Variants in CPQ observed in about 807,000 individuals in gnomAD.
CPQ encodes the protein Ser-Met dipeptidase.
CPQ carries 37 observed loss-of-function variants against 45.7 expected under a neutral mutation model. That is an observed-to-expected ratio of 0.81 (90% CI 0.62 to 1.07). CPQ has a LOEUF of 1.07. CPQ is among the 50% of genes least tolerant of loss of function. The pLI, the probability that CPQ is intolerant of heterozygous loss-of-function variation, is 0.00. For missense variants in CPQ, 537 were observed against 572.9 expected (o/e 0.94, Z 0.64); for synonymous variants, 186 against 205.8 (o/e 0.90, Z 0.82).
At chr8:96,766,591 TG>T (rs1292519156) in intron 1 of CPQ, among the ~76,000 whole-genome samples, 4 of 152,136 alleles carry the variant, frequency 2.6e-5, no homozygotes, top group Non-Finnish European at 5.9e-5. Context: ...TCTGTCCTCA[TG>T]TCCTGCCTGT....
chr8:96,815,021 G>T (rs1811209120), intron 2 of CPQ, among the ~76,000 whole-genome samples: 2 of 152,098 alleles, frequency 1.3e-5, no homozygotes, highest in Non-Finnish European at 2.9e-5. Flanking sequence ...CCAGCGGAGG[G>T]TGCAGATGGG....
At chr8:96,784,725 A>C (rs1221431017) in intron 1 of CPQ, 139 bp from the exon 2 acceptor site, 1 of 620,536 alleles carries the variant, frequency 1.6e-6, no homozygotes, top group Admixed American at 3.0e-5. Context: ...TCAGAGTAAC[A>C]GTGCCTGAAT....
At position 97,140,175 on chromosome 8, in the gene CPQ, A is replaced by C. The variant is rs569454330; in HGVS notation, c.1256-2845A>C. Among the ~76,000 whole-genome samples, 204 of 145,980 alleles carry C rather than the reference A, an allele frequency of 1.4e-3. 1 individual carries two copies. Among genetic ancestry groups the C allele is most frequent in the African/African-American group, 4.8e-3 (196 of 41,102 alleles). ...GACAAAACTCACAAATTCCTAGACA[A>C]ATGTAATTTCCATAGTTAATTCAAG... is the stretch of plus-strand genomic sequence containing the variant. On this transcript the variant is annotated intron_variant, in intron 7 of 7. Coordinates refer to ENST00000220763, the MANE Select transcript of CPQ (RefSeq NM_016134.4).
At chr8:96,877,820 C>G (rs1334523587) in intron 3 of CPQ, among the ~76,000 whole-genome samples, 4 of 152,132 alleles carry the variant, frequency 2.6e-5, no homozygotes, top group Non-Finnish European at 4.4e-5. Context: ...TTAAGTGACC[C>G]CAGAACCTGA....
At chr8:96,844,979 A>G (rs1467497247) in intron 3 of CPQ, among the ~76,000 whole-genome samples, 1 of 152,198 alleles carries the variant, frequency 6.6e-6, no homozygotes, top group Non-Finnish European at 1.5e-5. Context: ...GCTTACCCAA[A>G]ATGCAGCAAA....
At chr8:96,764,348 A>G (rs1163121879) in intron 1 of CPQ, among the ~76,000 whole-genome samples, 1 of 152,216 alleles carries the variant, frequency 6.6e-6, no homozygotes, top group East Asian at 1.9e-4. Flanking sequence ...AACAGAAAAC[A>G]GATCAGTGCC....
intron 3 of CPQ, among the ~76,000 whole-genome samples, chr8:96,841,146 G>A (rs916936463): frequency 6.6e-6 from 1 of 152,158 alleles, no homozygotes; most frequent in African/African-American, 2.4e-5. Flanking sequence ...TGTAGGGGTC[G>A]GGAGAGGGAG....
intron 4 of CPQ, among the ~76,000 whole-genome samples, chr8:96,946,429 G>A (rs1024438258): frequency 6.7e-6 from 1 of 150,110 alleles, no homozygotes; most frequent in Admixed American, 6.6e-5. Flanking sequence ...CTGTTTGGGA[G>A]TGTTTACTTA....
intron 4 of CPQ, among the ~76,000 whole-genome samples, chr8:96,931,019 C>T (rs923185178): frequency 6.6e-6 from 1 of 152,184 alleles, no homozygotes; most frequent in Non-Finnish European, 1.5e-5. Flanking sequence ...TGTTCTTCCC[C>T]TGTCTTCTGT....
At chr8:96,983,650 A>G (rs1279361166) in intron 5 of CPQ, among the ~76,000 whole-genome samples, 1 of 152,146 alleles carries the variant, frequency 6.6e-6, no homozygotes, top group Non-Finnish European at 1.5e-5. Context: ...AGGCCCCATT[A>G]GGATTGTGAT....
At chr8:96,930,228 G>A (rs887689560) in intron 4 of CPQ, among the ~76,000 whole-genome samples, 4 of 152,198 alleles carry the variant, frequency 2.6e-5, no homozygotes, top group African/African-American at 7.2e-5. Context: ...GTTTCTTTTC[G>A]TCCAGCAGAT....
chr8:96,967,883 A>T (rs1813596432), intron 5 of CPQ, among the ~76,000 whole-genome samples: 1 of 152,172 alleles, frequency 6.6e-6, no homozygotes, highest in African/African-American at 2.4e-5. Context: ...TCATCTGTGA[A>T]ATGGGATAAT....
intron 4 of CPQ, among the ~76,000 whole-genome samples, chr8:96,904,910 G>C (rs1812556664): frequency 6.6e-6 from 1 of 152,124 alleles, no homozygotes. Flanking sequence ...GCTGATTACT[G>C]TATAGGGTCA....
At chr8:96,697,211 C>T (rs1311011299) in intron 1 of CPQ, among the ~76,000 whole-genome samples, 1 of 152,092 alleles carries the variant, frequency 6.6e-6, no homozygotes, top group East Asian at 1.9e-4. Flanking sequence ...TGCAAGTATC[C>T]TCAACATATG....
At chr8:96,669,182 C>T (rs755906996) in intron 1 of CPQ, among the ~76,000 whole-genome samples, 8 of 152,212 alleles carry the variant, frequency 5.3e-5, no homozygotes, top group Non-Finnish European at 1.2e-4. Context: ...CTTGTGATGT[C>T]AGCGGGGATC....
intron 2 of CPQ, among the ~76,000 whole-genome samples, chr8:96,826,945 C>A (rs1811387431): frequency 1.3e-5 from 2 of 152,034 alleles, no homozygotes; most frequent in African/African-American, 4.8e-5. Context: ...CATGACCCTG[C>A]AAAGGACATG....
At chr8:96,920,008 C>G (rs1215727740) in intron 4 of CPQ, among the ~76,000 whole-genome samples, 1 of 152,130 alleles carries the variant, frequency 6.6e-6, no homozygotes, top group Non-Finnish European at 1.5e-5. Flanking sequence ...AATAGCAATA[C>G]AAACATTATT....
rs1057244423 is a variant in CPQ, at chr8:96,721,442, G to A, written c.-34-63422G>A. ...TTCTGTGGTCATTTATGGAGGGACA[G>A]TACACCTATACCAATAACTACAGTT... is the stretch of plus-strand genomic sequence containing the variant. On this transcript the variant is annotated intron_variant, in intron 1 of 7. Coordinates refer to ENST00000220763, the MANE Select transcript of CPQ (RefSeq NM_016134.4). Among the ~76,000 whole-genome samples, 8 of 152,226 alleles carry A rather than the reference G, an allele frequency of 5.3e-5. 1 individual carries two copies. Among genetic ancestry groups the A allele is most frequent in the African/African-American group, 1.7e-4 (7 of 41,536 alleles).
At chr8:97,012,590 T>C (rs1809508471) in intron 5 of CPQ, among the ~76,000 whole-genome samples, 1 of 152,170 alleles carries the variant, frequency 6.6e-6, no homozygotes, top group South Asian at 2.1e-4. Context: ...CTCTGTACAC[T>C]TGACCCTAGG....
Sources: gnomAD v4.1 joint callset for allele counts (sites outside exome capture counted in the v4.1 genomes callset) on GRCh38, gnomAD v4.1.1 for gene constraint, MANE v1.5 for transcripts, NCBI Gene and HGNC (gene_info 2026-07-23, HGNC 2026-07-21) for gene names.